SLC24A2: variants seen among roughly 807,000 people sequenced by gnomAD.
SLC24A2 encodes solute carrier family 24 member 2.
Under a neutral mutation model 62.0 loss-of-function variants are expected in SLC24A2, and 36 were observed. The ratio of observed to expected loss-of-function variants is 0.58; its 90% confidence interval spans 0.44 to 0.77. The LOEUF (loss-of-function observed/expected upper bound fraction) is 0.77, where lower values mean the gene tolerates loss of function less well. Among genes scored for constraint, SLC24A2 ranks in the 30% least tolerant of loss-of-function variants. The pLI is 0.00. For synonymous variants in SLC24A2, 358 were observed against 294.0 expected, an observed-to-expected ratio of 1.22 and a Z score of -2.23; for missense variants, 846 against 817.9, an observed-to-expected ratio of 1.03 and a Z score of -0.42.
chr9:20,015,915 T>C, the SLC24A2 span, among the ~76,000 whole-genome samples: 14 of 152,226 alleles, frequency 9.2e-5, no homozygotes, highest in Non-Finnish European at 1.8e-4. Context: ...TGCATGTAAA[T>C]GAATCTTCTG....
At chr9:19,567,494 C>T (rs1364295302) in intron 7 of SLC24A2, among the ~76,000 whole-genome samples, 13 of 140,124 alleles carry the variant, frequency 9.3e-5, no homozygotes, top group South Asian at 6.5e-4. Context: ...TGCAGTGAGC[C>T]GAGATAGTGC....
the SLC24A2 span, chr9:19,926,284 TTC>T: frequency 1.3e-5 from 2 of 152,330 alleles, no homozygotes; most frequent in Admixed American, 1.3e-4. Context: ...GACTTCACCA[TTC>T]TCTGTTTCCT....
At chr9:20,094,132 G>C in the SLC24A2 span, among the ~76,000 whole-genome samples, 1 of 152,144 alleles carries the variant, frequency 6.6e-6, no homozygotes, top group South Asian at 2.1e-4. Flanking sequence ...AATCAACACA[G>C]TGACATTAAA....
At chr9:20,077,470 C>T in the SLC24A2 span, among the ~76,000 whole-genome samples, 40 of 152,136 alleles carry the variant, frequency 2.6e-4, no homozygotes, top group African/African-American at 9.6e-4. Flanking sequence ...AGCTAGAATT[C>T]CAGAGGCAGT....
chr9:19,815,117 A>G, the SLC24A2 span, among the ~76,000 whole-genome samples: 5 of 152,146 alleles, frequency 3.3e-5, no homozygotes, highest in African/African-American at 1.2e-4. Context: ...TATTAAGTTA[A>G]TCACTACAAA....
chr9:19,551,402 G>C (rs1356306634), intron 7 of SLC24A2, among the ~76,000 whole-genome samples: 2 of 152,194 alleles, frequency 1.3e-5, no homozygotes, highest in East Asian at 3.9e-4. Flanking sequence ...AGAAGAGATG[G>C]AGGGGGAGGG....
At chr9:20,226,612 C>G in the SLC24A2 span, among the ~76,000 whole-genome samples, 5 of 152,040 alleles carry the variant, frequency 3.3e-5, no homozygotes, top group African/African-American at 7.2e-5. Flanking sequence ...TGTATGTGTG[C>G]ACATATTCTC....
chr9:19,832,156 T>C, the SLC24A2 span, among the ~76,000 whole-genome samples: 9 of 152,212 alleles, frequency 5.9e-5, no homozygotes, highest in African/African-American at 2.4e-5. Context: ...CAGAATCTAA[T>C]TGCCTCAGAA....
chr9:20,173,445 C>T, the SLC24A2 span, among the ~76,000 whole-genome samples: 1 of 152,024 alleles, frequency 6.6e-6, no homozygotes, highest in Non-Finnish European at 1.5e-5. Context: ...AAGACTCCTC[C>T]AAAAAGCTCC....
chr9:20,270,725 T>A, the SLC24A2 span, among the ~76,000 whole-genome samples: 2 of 152,162 alleles, frequency 1.3e-5, no homozygotes, highest in South Asian at 4.2e-4. Context: ...GATATAACAG[T>A]TAACAATGGG....
intron 3 of SLC24A2, among the ~76,000 whole-genome samples, chr9:19,621,999 A>G (rs1236748560): frequency 6.6e-6 from 1 of 152,224 alleles, no homozygotes; most frequent in Non-Finnish European, 1.5e-5. Context: ...CACTCTTCCA[A>G]CTTCTACAAA....
intron 8 of SLC24A2, among the ~76,000 whole-genome samples, chr9:19,540,650 A>T: frequency 7.0e-6 from 1 of 143,776 alleles, no homozygotes; most frequent in Non-Finnish European, 1.5e-5. Context: ...TTTTTCCTTC[A>T]TTTCAACTTT....
chr9:19,733,110 A>T (rs899791457), intron 2 of SLC24A2, among the ~76,000 whole-genome samples: 43 of 150,588 alleles, frequency 2.9e-4, no homozygotes, highest in African/African-American at 1.1e-3. Context: ...CACGCTGGGC[A>T]TGTGAGCTAC....
At chr9:19,970,286 G>C in the SLC24A2 span, among the ~76,000 whole-genome samples, 9 of 152,338 alleles carry the variant, frequency 5.9e-5, no homozygotes, top group African/African-American at 1.9e-4. Context: ...TAACTGGAGA[G>C]TTAACTGATA....
At chr9:20,258,916 C>G in the SLC24A2 span, among the ~76,000 whole-genome samples, 3 of 151,510 alleles carry the variant, frequency 2.0e-5, no homozygotes, top group Non-Finnish European at 4.4e-5. Context: ...GATTGTGTCT[C>G]TCTGGAAAGC....
the SLC24A2 span, among the ~76,000 whole-genome samples, chr9:20,050,852 T>A: frequency 6.6e-5 from 10 of 152,138 alleles, no homozygotes; most frequent in African/African-American, 2.2e-4. Flanking sequence ...TGTAATGATG[T>A]CACGATTGGA....
chr9:19,517,174 C>T (rs1392421211), intron 10 of SLC24A2, among the ~76,000 whole-genome samples: 18 of 152,278 alleles, frequency 1.2e-4, no homozygotes, highest in Middle Eastern at 3.4e-3. Context: ...TTCCACTACA[C>T]CACAAGCATT....
At chr9:19,769,261 A>C (rs1278150646) in intron 2 of SLC24A2, among the ~76,000 whole-genome samples, 1 of 152,104 alleles carries the variant, frequency 6.6e-6, no homozygotes. Context: ...CCATCAGCAA[A>C]TGTCGTTAGC....
the SLC24A2 span, among the ~76,000 whole-genome samples, chr9:19,823,604 G>A: frequency 4.2e-4 from 63 of 151,238 alleles, no homozygotes; most frequent in African/African-American, 1.5e-3. Context: ...ACTCCAGCCT[G>A]GCAATAGAGC....
Sources: allele counts gnomAD v4.1 joint callset (sites outside exome capture counted in the v4.1 genomes callset), GRCh38; gene constraint gnomAD v4.1.1; transcripts MANE v1.5; gene names NCBI Gene and HGNC (gene_info 2026-07-23, HGNC 2026-07-21).